Variants in EFTUD2 observed in about 807,000 individuals in gnomAD.
EFTUD2 encodes 116 kDa U5 small nuclear ribonucleoprotein component.
EFTUD2 carries 9 observed loss-of-function variants against 114.3 expected under a neutral mutation model. The ratio of observed to expected loss-of-function variants is 0.08; its 90% CI spans 0.05 to 0.14. EFTUD2 has a LOEUF of 0.14. Ranked by LOEUF, EFTUD2 falls within the 10% of genes least tolerant of loss-of-function variation. The pLI is 1.00. For synonymous variants in EFTUD2, 449 were observed against 462.3 expected (o/e 0.97, Z 0.37); for missense variants, 765 against 1,241.2 (o/e 0.62, Z 5.76).
In EFTUD2 at chr17:44,865,906, G is replaced by A. The variant is rs370581754; in HGVS notation, c.1150-841C>T. 4.0e-4 allele frequency among the ~76,000 whole-genome samples: 61 copies of A among 151,764 alleles called. 1 individual carries two copies. The East Asian group carries it at 0.01, about 25-fold the overall frequency. On this transcript the variant is annotated intron_variant, in intron 13 of 27. Coordinates refer to ENST00000426333, the MANE Select transcript of EFTUD2 (RefSeq NM_004247.4). ...GGCTCACTGCAACCTCCACCTCCTG[G>A]GCTCAAGTGATCCTCCTGCCTCAGC...
intron 15 of EFTUD2, 200 bp from the exon 16 acceptor site, chr17:44,863,106 C>T (rs200002124): frequency 1.6e-4 from 46 of 288,398 alleles, no homozygotes; most frequent in Non-Finnish European, 1.8e-4. Context: ...AAATATTCTC[C>T]TCTTTTTTTT....
intron 4 of EFTUD2, among the ~76,000 whole-genome samples, chr17:44,884,997 C>T (rs2051140979): frequency 1.3e-5 from 2 of 152,174 alleles, no homozygotes; most frequent in Admixed American, 6.6e-5. Flanking sequence ...AACTGCAATA[C>T]CCAGATCTCT....
intron 16 of EFTUD2, 47 bp from the exon 17 acceptor site, chr17:44,860,590 C>T (rs770006160): frequency 8.8e-7 from 1 of 1,138,994 alleles, no homozygotes; most frequent in Non-Finnish European, 1.3e-6. Context: ...GCAGAGCATT[C>T]CCTAATTTTT....
At position 44,862,903 on chromosome 17, in the gene EFTUD2, G is replaced by A; in HGVS notation, c.1417C>T (p.Pro473Ser). ...EAMSDCDPDG[P>S]LMCHTTKMYS... is the part of the protein sequence containing the mutation. ...ATCTTAGTAGTGTGGCACATCAGGG[G>A]GCCCTGGAAGAGGGGACAGGGTGCA... The change falls in exon 16 of 28, where the codon CCC becomes TCC. Residue 473 changes from proline to serine, a missense_variant. This residue lies in a region of EFTUD2 where 149 missense variants were observed against 245.1 expected (regional missense o/e 0.61). Coordinates refer to ENST00000426333, the MANE Select transcript of EFTUD2 (RefSeq NM_004247.4). The A allele has an allele frequency of 6.2e-7, 1 of 1,607,218 alleles. No individual in the cohort carries two copies. The highest frequency in any genetic ancestry group is 8.5e-7 in the Non-Finnish European group (1 of 1,174,410).
At chr17:44,863,099 T>A in intron 15 of EFTUD2, 193 bp from the exon 16 acceptor site, 1 of 424,010 alleles carries the variant, frequency 2.4e-6, no homozygotes, top group Non-Finnish European at 4.1e-6. Flanking sequence ...AGAGCAAAAA[T>A]ATTCTCCTCT....
At chr17:44,886,461 C>G in intron 3 of EFTUD2, 124 bp downstream of exon 3, 1 of 1,475,502 alleles carries the variant, frequency 6.8e-7, no homozygotes, top group Non-Finnish European at 9.0e-7. Context: ...AAACCAGAAA[C>G]AGTACCTGAA....
At chr17:44,887,015 A>G (rs1165338932) in intron 2 of EFTUD2, among the ~76,000 whole-genome samples, 1 of 152,204 alleles carries the variant, frequency 6.6e-6, no homozygotes, top group Non-Finnish European at 1.5e-5. Context: ...ACTGGAGAAA[A>G]CAAATCACAG....
At position 44,867,879 on chromosome 17, in the gene EFTUD2, CT is replaced by C; in HGVS notation, c.1076del (p.Lys359ArgfsTer27). On this transcript the variant is annotated frameshift_variant, in exon 13 of 28. Transcript: ENST00000426333. LOFTEE classifies it high-confidence loss of function. ...FNPKTRKFTK[K>X]APTSSSQRSF... ...TTCTCTGGGAGCTGCTAGTTGGGGC[CT>C]TTTTGGTGAACTTTCGCCTAAAAGG... The C allele has an allele frequency of 6.2e-7, 1 of 1,601,078 alleles. No individual in the cohort carries two copies. The highest frequency in any genetic ancestry group is 8.5e-7 in the Non-Finnish European group (1 of 1,173,408).
chr17:44,879,901 G>C (rs1486498353), intron 8 of EFTUD2, among the ~76,000 whole-genome samples: 3 of 152,082 alleles, frequency 2.0e-5, no homozygotes, highest in African/African-American at 7.2e-5. Flanking sequence ...ACACAGACCA[G>C]CTTAGCCTAA....
At chr17:44,861,172 G>A (rs1383376321) in intron 16 of EFTUD2, among the ~76,000 whole-genome samples, 2 of 152,132 alleles carry the variant, frequency 1.3e-5, no homozygotes, top group Admixed American at 6.6e-5. Flanking sequence ...CGGGTGTGGC[G>A]GCTCACGCTT....
Position 44,856,679 on chromosome 17 carries a change from C to T in EFTUD2, c.2045+396G>A, listed in dbSNP as rs868100552. On this transcript the variant is annotated intron_variant, in intron 20 of 27. Coordinates refer to ENST00000426333, the MANE Select transcript of EFTUD2 (RefSeq NM_004247.4). The stretch of plus-strand genomic sequence containing the variant: ...AAAAAATAAAAAAATTAACAGATGG[C>T]CTGGTGTGTGCCCATAGTCCTAGCT... Among the ~76,000 whole-genome samples the T allele has an allele frequency of 2.0e-5, 3 of 151,676 alleles. No homozygotes were observed. The South Asian group carries it at 6.2e-4, about 32-fold the overall frequency.
At chr17:44,878,013 G>A in intron 9 of EFTUD2, among the ~76,000 whole-genome samples, 1 of 152,074 alleles carries the variant, frequency 6.6e-6, no homozygotes. Context: ...GCGTGCACCT[G>A]TAATCTCAGC....
intron 20 of EFTUD2, among the ~76,000 whole-genome samples, chr17:44,855,740 G>A (rs1055506059): frequency 6.6e-6 from 1 of 151,896 alleles, no homozygotes; most frequent in Non-Finnish European, 1.5e-5. Context: ...CATGAGATCA[G>A]GAGTTCGAGA....
chr17:44,864,826 T>G (rs1004005654), intron 14 of EFTUD2, 104 bp downstream of exon 14: 9 of 1,502,476 alleles, frequency 6.0e-6, no homozygotes, highest in African/African-American at 1.4e-5. Flanking sequence ...GTTGAAAAGA[T>G]CCTCAGATTT....
At chr17:44,872,328 GTGATAAAAT>G in intron 11 of EFTUD2, 109 bp downstream of exon 11, 1 of 1,332,796 alleles carries the variant, frequency 7.5e-7, no homozygotes, top group Non-Finnish European at 1.1e-6. Flanking sequence ...ATAATAACAG[GTGATAAAAT>G]GTTCCCCCAG....
Position 44,857,166 on chromosome 17 carries a change from CAG to C in EFTUD2, c.1963-11_1963-10del. 1.2e-6 allele frequency: 2 copies of C among 1,613,338 alleles called. No individual in the cohort carries two copies. Among genetic ancestry groups the C allele is most frequent in the East Asian group, 2.2e-5 (1 of 44,856 alleles). ...ACAACTGGGTCAGCCACCTGGGAAACAGAAAATAAATTACTGAAGCGAGGTCT... is the reference window on the plus strand; with the variant it reads ...ACAACTGGGTCAGCCACCTGGGAAACAAAATAAATTACTGAAGCGAGGTCT... On this transcript the variant is annotated splice_polypyrimidine_tract_variant and intron_variant, in intron 19 of 27. Coordinates refer to ENST00000426333, the MANE Select transcript of EFTUD2 (RefSeq NM_004247.4).
Position 44,851,127 on chromosome 17 carries a change from T to G in EFTUD2, c.*147A>C. ...GCTCCTCTCTCACTGGGGCTCTGGG[T>G]TGGAGGTTGGTGAGTTGTTCAAGAT... On this transcript the variant is annotated 3_prime_UTR_variant, in exon 28 of 28. Transcript: ENST00000426333. 1 of 673,580 alleles carries G rather than the reference T, an allele frequency of 1.5e-6. No homozygotes were observed. The allele number at this position is 673,580 out of a possible 1,614,324, so 41.7% of individuals were successfully genotyped here. A position where few individuals can be genotyped will look rare whatever the true frequency, so the allele number is the denominator to read the frequency against.
At chr17:44,889,231 G>C (rs1052566897) in intron 2 of EFTUD2, among the ~76,000 whole-genome samples, 5 of 152,218 alleles carry the variant, frequency 3.3e-5, no homozygotes, top group African/African-American at 1.2e-4. Flanking sequence ...GCAGAGGTCA[G>C]TGGTGACCTT....
chr17:44,862,911 A>T lies in EFTUD2; in HGVS notation c.1414-5T>A, dbSNP rs1256649853. 6.2e-7 allele frequency: 1 copy of T among 1,606,836 alleles called. No homozygotes were observed. The highest frequency in any genetic ancestry group is 2.2e-5 in the East Asian group (1 of 44,666). ...AGTGTGGCACATCAGGGGGCCCTGG[A>T]AGAGGGGACAGGGTGCAGCTTCAAC... On this transcript the variant is annotated splice_region_variant and splice_polypyrimidine_tract_variant and intron_variant, in intron 15 of 27. Transcript: ENST00000426333.
Sources: allele counts gnomAD v4.1 joint callset (sites outside exome capture counted in the v4.1 genomes callset), GRCh38; gene constraint gnomAD v4.1.1; regional missense constraint gnomAD v4.1.1; transcripts MANE v1.5; gene names NCBI Gene and HGNC (gene_info 2026-07-23, HGNC 2026-07-21).